Variants in SLC39A11 observed in about 807,000 individuals in gnomAD.
SLC39A11 encodes zinc transporter ZIP11.
Under a neutral mutation model 36.1 loss-of-function variants are expected in SLC39A11, and 33 were observed. That is an observed-to-expected ratio of 0.91 (90% CI 0.69 to 1.22). The LOEUF is 1.22. Ranked by LOEUF, SLC39A11 falls within the 50% of genes most tolerant of loss-of-function variation. SLC39A11 has a pLI of 0.00. For missense variants in SLC39A11, 432 were observed against 430.3 expected (o/e 1.00, Z -0.03); for synonymous variants, 166 against 170.3 (o/e 0.97, Z 0.20).
intron 6 of SLC39A11, among the ~76,000 whole-genome samples, chr17:72,770,152 A>G (rs2075885167): frequency 6.6e-6 from 1 of 152,184 alleles, no homozygotes; most frequent in Non-Finnish European, 1.5e-5. Context: ...ATTAACTGAG[A>G]TCTGTCTCAG....
At chr17:72,987,756 C>G (rs1187081436) in intron 4 of SLC39A11, among the ~76,000 whole-genome samples, 1 of 152,190 alleles carries the variant, frequency 6.6e-6, no homozygotes, top group Non-Finnish European at 1.5e-5. Context: ...ATGACACTTA[C>G]AGAGAAAGGT....
intron 7 of SLC39A11, among the ~76,000 whole-genome samples, chr17:72,650,430 T>C (rs115698183): frequency 0.011 from 1,614 of 152,300 alleles, 36 homozygotes; most frequent in African/African-American, 0.038. Flanking sequence ...GAACCCTTAT[T>C]GTGGATGCTG....
chr17:72,721,204 C>A (rs1292016453), intron 7 of SLC39A11, among the ~76,000 whole-genome samples: 1 of 151,240 alleles, frequency 6.6e-6, no homozygotes, highest in African/African-American at 2.4e-5. Context: ...TCAAGCGATT[C>A]TCCCGCCTCA....
At chr17:72,872,074 A>T (rs185758147) in intron 5 of SLC39A11, among the ~76,000 whole-genome samples, 23 of 152,310 alleles carry the variant, frequency 1.5e-4, no homozygotes, top group African/African-American at 5.1e-4. Context: ...TGATAGTATA[A>T]AGGCAATGAT....
intron 7 of SLC39A11, among the ~76,000 whole-genome samples, chr17:72,687,207 T>A (rs954842527): frequency 3.3e-5 from 5 of 152,002 alleles, no homozygotes; most frequent in Admixed American, 6.5e-5. Flanking sequence ...TTTTAAAAAA[T>A]TTTTGTAGAC....
At chr17:73,073,493 T>C (rs1024134503) in intron 3 of SLC39A11, among the ~76,000 whole-genome samples, 6 of 152,162 alleles carry the variant, frequency 3.9e-5, no homozygotes, top group African/African-American at 1.4e-4. Flanking sequence ...CTCACCTCTT[T>C]GTTGAGTGCC....
chr17:72,705,971 GC>G (rs2072876741), intron 7 of SLC39A11, among the ~76,000 whole-genome samples: 1 of 152,044 alleles, frequency 6.6e-6, no homozygotes, highest in Admixed American at 6.5e-5. Context: ...TTATTCCAAG[GC>G]CCCCAGAAAA....
At chr17:72,996,982 C>A (rs571793563) in intron 4 of SLC39A11, among the ~76,000 whole-genome samples, 6 of 152,084 alleles carry the variant, frequency 3.9e-5, no homozygotes, top group Admixed American at 1.3e-4. Flanking sequence ...ACACTTGGGG[C>A]AGAGCCACCC....
At chr17:72,858,366 T>C (rs1018842024) in intron 5 of SLC39A11, among the ~76,000 whole-genome samples, 1 of 152,246 alleles carries the variant, frequency 6.6e-6, no homozygotes, top group Admixed American at 6.5e-5. Context: ...CCATGCTGTT[T>C]TGGTTACTGT....
chr17:72,660,448 T>C (rs1180148627), intron 7 of SLC39A11, among the ~76,000 whole-genome samples: 2 of 152,322 alleles, frequency 1.3e-5, no homozygotes, highest in South Asian at 2.1e-4. Context: ...GAGAAATTGA[T>C]GCTCAAGGAG....
At chr17:72,687,725 G>C (rs904790523) in intron 7 of SLC39A11, among the ~76,000 whole-genome samples, 1 of 152,234 alleles carries the variant, frequency 6.6e-6, no homozygotes, top group African/African-American at 2.4e-5. Flanking sequence ...CATGCTAATA[G>C]TGTTGAAGCT....
intron 6 of SLC39A11, among the ~76,000 whole-genome samples, chr17:72,776,464 G>A (rs1019574468): frequency 4.6e-5 from 7 of 151,918 alleles, no homozygotes; most frequent in African/African-American, 1.7e-4. Context: ...TTTTAGTTTT[G>A]CTTTTACTGA....
At chr17:72,921,010 C>T (rs1051868660) in intron 5 of SLC39A11, among the ~76,000 whole-genome samples, 1 of 152,168 alleles carries the variant, frequency 6.6e-6, no homozygotes, top group African/African-American at 2.4e-5. Flanking sequence ...TGTCGGCTCT[C>T]TATGAGAGGG....
chr17:72,688,608 C>A (rs1237234447), intron 7 of SLC39A11, among the ~76,000 whole-genome samples: 1 of 152,206 alleles, frequency 6.6e-6, no homozygotes, highest in African/African-American at 2.4e-5. Flanking sequence ...AATGGGAGAT[C>A]CTTAGGGCAT....
intron 5 of SLC39A11, among the ~76,000 whole-genome samples, chr17:72,886,850 T>C (rs1567886363): frequency 6.6e-6 from 1 of 152,214 alleles, no homozygotes; most frequent in Non-Finnish European, 1.5e-5. Flanking sequence ...TCCTTCTGAC[T>C]GGAGTGCTCC....
intron 3 of SLC39A11, among the ~76,000 whole-genome samples, chr17:73,069,877 T>C (rs1038400823): frequency 9.2e-5 from 14 of 152,218 alleles, no homozygotes; most frequent in African/African-American, 3.4e-4. Flanking sequence ...GATAAGTTTC[T>C]AACAAGCTAG....
chr17:73,042,470 G>A (rs1051427283), intron 3 of SLC39A11, among the ~76,000 whole-genome samples: 9 of 152,148 alleles, frequency 5.9e-5, no homozygotes, highest in Non-Finnish European at 1.0e-4. Context: ...TACTTAAGGA[G>A]GACACACAAA....
intron 2 of SLC39A11, 74 bp from the exon 3 acceptor site, chr17:73,084,920 T>C (rs1490911486): frequency 1.3e-6 from 2 of 1,521,098 alleles, no homozygotes; most frequent in Non-Finnish European, 1.8e-6. Context: ...GAAGAAACCA[T>C]AAGGCCCAAA....
intron 3 of SLC39A11, among the ~76,000 whole-genome samples, chr17:73,041,021 A>C (rs577855799): frequency 6.6e-6 from 1 of 151,982 alleles, no homozygotes; most frequent in African/African-American, 2.4e-5. Context: ...AAAAAAAAAA[A>C]CAGTATTAAC....
Sources: gnomAD v4.1 joint callset for allele counts (sites outside exome capture counted in the v4.1 genomes callset) on GRCh38, gnomAD v4.1.1 for gene constraint, MANE v1.5 for transcripts, NCBI Gene and HGNC (gene_info 2026-07-23, HGNC 2026-07-21) for gene names.